The following LSAMP variants were observed in gnomAD, a reference collection of about 807,000 sequenced individuals.
The protein encoded by LSAMP is limbic system-associated membrane protein.
LSAMP carries 7 observed loss-of-function variants against 38.6 expected under a neutral mutation model. The ratio of observed to expected loss-of-function variants is 0.18; its 90% CI spans 0.10 to 0.34. The LOEUF is 0.34. Among genes scored for constraint, LSAMP ranks in the 10% least tolerant of loss-of-function variants. LSAMP has a pLI of 1.00. For missense variants in LSAMP, 313 were observed against 420.0 expected (o/e 0.75, Z 2.23); for synonymous variants, 154 against 166.8 (o/e 0.92, Z 0.59).
chr3:116,203,176 T>C (rs563908609), intron 1 of LSAMP, among the ~76,000 whole-genome samples: 33 of 152,328 alleles, frequency 2.2e-4, no homozygotes, highest in Middle Eastern at 3.4e-3. Flanking sequence ...TGTTGTCATA[T>C]TGAGCACGTT....
chr3:115,902,110 T>A (rs1473116416), intron 3 of LSAMP, among the ~76,000 whole-genome samples: 2 of 152,046 alleles, frequency 1.3e-5, no homozygotes, highest in Non-Finnish European at 2.9e-5. Flanking sequence ...TTAAAGCAGA[T>A]GTTAGTGGAT....
intron 2 of LSAMP, among the ~76,000 whole-genome samples, chr3:116,046,611 C>T (rs1423876467): frequency 1.3e-5 from 2 of 152,166 alleles, no homozygotes; most frequent in Non-Finnish European, 2.9e-5. Flanking sequence ...GGAGGAATGA[C>T]AACAGATAGA....
intron 1 of LSAMP, among the ~76,000 whole-genome samples, chr3:116,390,888 C>T (rs2107812217): frequency 6.6e-6 from 1 of 152,198 alleles, no homozygotes; most frequent in Admixed American, 6.5e-5. Flanking sequence ...TTCCAATCTC[C>T]TACCATTTTC....
intron 3 of LSAMP, among the ~76,000 whole-genome samples, chr3:115,996,344 G>A (rs1939814874): frequency 6.6e-6 from 1 of 152,048 alleles, no homozygotes; most frequent in Admixed American, 6.6e-5. Flanking sequence ...CTACTTCTGG[G>A]CTGACATATG....
At chr3:116,052,712 A>G (rs1941418630) in intron 2 of LSAMP, among the ~76,000 whole-genome samples, 1 of 152,186 alleles carries the variant, frequency 6.6e-6, no homozygotes, top group African/African-American at 2.4e-5. Flanking sequence ...TACCCAGGAA[A>G]CTTCTTTCAG....
At chr3:115,909,325 GCA>G (rs1937084032) in intron 3 of LSAMP, among the ~76,000 whole-genome samples, 1 of 152,170 alleles carries the variant, frequency 6.6e-6, no homozygotes, top group African/African-American at 2.4e-5. Flanking sequence ...TTCTGAGTCT[GCA>G]CAGTCTTGCA....
intron 3 of LSAMP, among the ~76,000 whole-genome samples, chr3:115,904,809 G>C (rs1318946383): frequency 3.9e-5 from 6 of 152,048 alleles, no homozygotes; most frequent in African/African-American, 1.2e-4. Context: ...TTGTGCTGTT[G>C]TTGCAGTTTT....
intron 6 of LSAMP, among the ~76,000 whole-genome samples, chr3:115,832,086 G>A (rs1485555591): frequency 1.3e-5 from 2 of 152,106 alleles, no homozygotes; most frequent in Admixed American, 6.6e-5. Context: ...TTCCTGCTGC[G>A]ACTCTGCTGT....
chr3:115,956,776 C>T (rs1938467920), intron 3 of LSAMP, among the ~76,000 whole-genome samples: 1 of 152,074 alleles, frequency 6.6e-6, no homozygotes. Flanking sequence ...TATCAAAAGT[C>T]CTCAATATCA....
At chr3:116,050,389 A>T (rs1343247834) in intron 2 of LSAMP, among the ~76,000 whole-genome samples, 1 of 152,082 alleles carries the variant, frequency 6.6e-6, no homozygotes, top group East Asian at 1.9e-4. Flanking sequence ...CAAATATTAA[A>T]AAAAAATTTC....
chr3:116,444,723 A>T (rs1212559913), intron 1 of LSAMP, among the ~76,000 whole-genome samples, 154 bp downstream of exon 1: 1 of 151,376 alleles, frequency 6.6e-6, no homozygotes, highest in Non-Finnish European at 1.5e-5. Flanking sequence ...GGACACACAC[A>T]CACACACCAC....
At chr3:115,950,950 T>C (rs377369389) in intron 3 of LSAMP, among the ~76,000 whole-genome samples, 3 of 151,752 alleles carry the variant, frequency 2.0e-5, no homozygotes, top group South Asian at 2.1e-4. Flanking sequence ...CCCAAGATAA[T>C]ATTTACAGTC....
At chr3:116,112,873 C>G (rs1444075545) in intron 1 of LSAMP, among the ~76,000 whole-genome samples, 1 of 152,136 alleles carries the variant, frequency 6.6e-6, no homozygotes, top group Non-Finnish European at 1.5e-5. Context: ...CTCAGTGTTG[C>G]AGACATAATC....
intron 1 of LSAMP, among the ~76,000 whole-genome samples, chr3:116,174,592 C>T (rs1459837344): frequency 1.3e-5 from 2 of 151,968 alleles, no homozygotes; most frequent in African/African-American, 4.8e-5. Context: ...TCAAATCTAG[C>T]CATATTTTAT....
chr3:116,133,148 G>C (rs907023672), intron 1 of LSAMP, among the ~76,000 whole-genome samples: 3 of 152,140 alleles, frequency 2.0e-5, no homozygotes, highest in Admixed American at 2.0e-4. Flanking sequence ...GCTATAGGCA[G>C]GACAAAAGAT....
At chr3:115,835,661 C>T (rs538897902) in intron 6 of LSAMP, among the ~76,000 whole-genome samples, 1 of 152,300 alleles carries the variant, frequency 6.6e-6, no homozygotes, top group South Asian at 2.1e-4. Context: ...TGATAGCCTA[C>T]CATCTTGTGC....
chr3:116,086,334 C>G lies in LSAMP; in HGVS notation c.378G>C (p.Leu126Phe). 1 of 1,613,972 alleles carries G rather than the reference C, an allele frequency of 6.2e-7. No individual in the cohort carries two copies. Among genetic ancestry groups the G allele is most frequent in the Admixed American group, 1.7e-5 (1 of 60,004 alleles). Residue 126 changes from leucine to phenylalanine, a missense_variant, in exon 2 of 7, where the codon TTG becomes TTC. Physicochemically the swap from Leu to Phe is conservative, Grantham distance 22. Transcript: ENST00000490035. ...QHEPKTSQVY[L>F]IVQVPPKISN... is the part of the protein sequence containing the mutation. Reference sequence around the variant, plus strand: ...CCACACTTTCCTTACCTTGTACGATCAAGTAAACTTGGGAGGTCTTGGGCT... The same window carrying G: ...CCACACTTTCCTTACCTTGTACGATGAAGTAAACTTGGGAGGTCTTGGGCT...
chr3:116,002,403 A>G (rs1022580665), intron 3 of LSAMP, among the ~76,000 whole-genome samples: 1 of 152,198 alleles, frequency 6.6e-6, no homozygotes, highest in African/African-American at 2.4e-5. Context: ...GGAAGGAGAA[A>G]TGCAAAGGCA....
At chr3:115,877,153 A>G (rs536011310) in intron 3 of LSAMP, among the ~76,000 whole-genome samples, 2 of 152,224 alleles carry the variant, frequency 1.3e-5, no homozygotes, top group South Asian at 4.1e-4. Context: ...GAGCTTCTTA[A>G]TTCATGATTT....
Sources: allele counts gnomAD v4.1 joint callset (sites outside exome capture counted in the v4.1 genomes callset), GRCh38; gene constraint gnomAD v4.1.1; transcripts MANE v1.5; gene names NCBI Gene and HGNC (gene_info 2026-07-23, HGNC 2026-07-21).